Variants in PCDHGA6 observed in about 807,000 individuals in gnomAD.
The protein encoded by PCDHGA6 is protocadherin gamma subfamily A, 6.
A neutral mutation model predicts 60.6 loss-of-function variants in PCDHGA6; 41 were observed. The ratio of observed to expected loss-of-function variants is 0.68; its 90% confidence interval spans 0.53 to 0.88. The LOEUF (loss-of-function observed/expected upper bound fraction) is 0.88. PCDHGA6 is among the 40% of genes least tolerant of loss of function. The probability of loss-of-function intolerance (pLI) is 0.00; values close to 1 mark genes in which losing one functional copy is unlikely to be tolerated. For missense variants in PCDHGA6, 1,312 were observed against 1,203.0 expected, an observed-to-expected ratio of 1.09 and a Z score of -1.34; for synonymous variants, 594 against 524.4, an observed-to-expected ratio of 1.13 and a Z score of -1.81.
At position 141,485,841 on chromosome 5, in the gene PCDHGA6, C is replaced by G. The variant is rs969476505; in HGVS notation, c.2425-8966C>G. On this transcript the variant is annotated intron_variant, in intron 1 of 3. Transcript: ENST00000517434. This position sits in a 1 kb window ranked among gnomAD's most constrained non-coding sequence, Gnocchi z 5.7. Reference sequence around the variant, plus strand: ...GTCGATGGAGGGAACCCGCCGAGATCTGGCACCGCAGAGCTCCGGGTATCC... The same window carrying G: ...GTCGATGGAGGGAACCCGCCGAGATGTGGCACCGCAGAGCTCCGGGTATCC... 29 of 1,614,104 alleles carry G rather than the reference C, an allele frequency of 1.8e-5. No individual in the cohort carries two copies. The highest frequency in any genetic ancestry group is 2.2e-5 in the South Asian group (2 of 91,080).
rs182282975 is a variant in PCDHGA6 at position 141,420,903 on chromosome 5, A to G, written c.2424+44396A>G. The G allele has an allele frequency of 1.7e-5, 5 of 296,804 alleles. No individual in the cohort carries two copies. In the Admixed American group the frequency reaches 1.8e-4, roughly 11 times the overall value. The allele number at this position is 296,804 out of a possible 1,614,324, so 18.4% of individuals were successfully genotyped here. On this transcript the variant is annotated intron_variant, in intron 1 of 3. Transcript: ENST00000517434. ...TGTATCATCGTTTTTAAGCTCTACA[A>G]ATACGTGTGATTCACAAAGGTGAGC...
At chr5:141,392,782 A>G (rs1375306296) in intron 1 of PCDHGA6, 1 of 1,540,122 alleles carries the variant, frequency 6.5e-7, no homozygotes, top group Non-Finnish European at 8.7e-7. Context: ...TGCACAGTGA[A>G]GATTCTGAGA....
rs138542775 is a variant in PCDHGA6, at chr5:141,491,313, C to T, written c.2425-3494C>T. ...ACCCTCCTGAGCGTTCAGACCTTAC[C>T]CTTTACCTCATTGTGGCTCTAGCGA... On this transcript the variant is annotated intron_variant, in intron 1 of 3. Transcript: ENST00000517434. This position sits in a 1 kb window ranked among gnomAD's most constrained non-coding sequence, Gnocchi z 6.9. 405 of 1,614,154 alleles carry T rather than the reference C, an allele frequency of 2.5e-4. 2 individuals are homozygous for T. In the African/African-American group the frequency reaches 4.5e-3, roughly 18 times the overall value.
Position 141,485,057 on chromosome 5 carries a change from C to A in PCDHGA6, c.2425-9750C>A, listed in dbSNP as rs2099605934. ...GTAACCCTTGCGGCGCCGGCCGAACCGCGCCAGAGCTGGCGCGGGGAAAGG... is the reference window on the plus strand; with the variant it reads ...GTAACCCTTGCGGCGCCGGCCGAACAGCGCCAGAGCTGGCGCGGGGAAAGG... On this transcript the variant is annotated intron_variant, in intron 1 of 3. Coordinates refer to ENST00000517434, the MANE Select transcript of PCDHGA6 (RefSeq NM_018919.3). The surrounding 1 kb of genome is among the most constrained non-coding windows in gnomAD (Gnocchi z 5.7). The A allele has an allele frequency of 2.4e-6, 2 of 843,718 alleles. No homozygotes were observed. Among genetic ancestry groups the A allele is most frequent in the South Asian group, 1.7e-5 (1 of 59,950 alleles). 52.3% of individuals were successfully genotyped at this position (843,718 alleles called of 1,614,324 possible).
Position 141,486,880 on chromosome 5 carries a change from G to T in PCDHGA6, c.2425-7927G>T. On this transcript the variant is annotated intron_variant, in intron 1 of 3. Transcript: ENST00000517434. The surrounding 1 kb of genome is among the most constrained non-coding windows in gnomAD (Gnocchi z 5.0). The stretch of plus-strand genomic sequence containing the variant: ...ATGCTCCAGCTGTGCTCCGTCCTCG[G>T]GCCCGGCCTGGTTCCTTATGTCCCC... The T allele has an allele frequency of 6.2e-7, 1 of 1,614,212 alleles. No homozygotes were observed. Among genetic ancestry groups the T allele is most frequent in the East Asian group, 2.2e-5 (1 of 44,882 alleles).
At chr5:141,460,848 C>A (rs528601988) in intron 1 of PCDHGA6, among the ~76,000 whole-genome samples, 1 of 150,236 alleles carries the variant, frequency 6.7e-6, no homozygotes, top group African/African-American at 2.4e-5. Context: ...GCCTCCAGTT[C>A]GATCCAAGTT....
rs746642302 is a variant in PCDHGA6, at chr5:141,491,107, A to G, written c.2425-3700A>G. The stretch of plus-strand genomic sequence containing the variant: ...AGCCCCAGGACTGTTCCTCGTGTCT[A>G]CACACACTGGTGAGGTGCGCACAGC... On this transcript the variant is annotated intron_variant, in intron 1 of 3. Coordinates refer to ENST00000517434, the MANE Select transcript of PCDHGA6 (RefSeq NM_018919.3). The surrounding 1 kb of genome is among the most constrained non-coding windows in gnomAD (Gnocchi z 6.9). 2.5e-6 allele frequency: 4 copies of G among 1,614,148 alleles called. No homozygotes were observed. Among genetic ancestry groups the G allele is most frequent in the Non-Finnish European group, 2.5e-6 (3 of 1,180,014 alleles).
chr5:141,495,205 C>T (rs977479495), intron 2 of PCDHGA6, among the ~76,000 whole-genome samples: 1 of 152,212 alleles, frequency 6.6e-6, no homozygotes, highest in African/African-American at 2.4e-5. Flanking sequence ...TACTGCCTAA[C>T]CCCCTCCCCT....
rs995968509 is a variant in PCDHGA6, at chr5:141,477,065, C to T, written c.2425-17742C>T. ...TCGGCTGGACTTCGAGGACACCAAA[C>T]TCCATGAGATTTACATCCAGGCCAA... On this transcript the variant is annotated intron_variant, in intron 1 of 3. Coordinates refer to ENST00000517434, the MANE Select transcript of PCDHGA6 (RefSeq NM_018919.3). The surrounding 1 kb of genome is among the most constrained non-coding windows in gnomAD (Gnocchi z 4.9). 15 of 1,614,144 alleles carry T rather than the reference C, an allele frequency of 9.3e-6. No homozygotes were observed. The highest frequency in any genetic ancestry group is 3.3e-5 in the Admixed American group (2 of 60,018).
chr5:141,476,225 A>G lies in PCDHGA6; in HGVS notation c.2425-18582A>G, dbSNP rs1414835001. ...GGCTTCCACGGTCATTCACTATGAG[A>G]TCCCGGAGGAAAGAGAGAAGGGTTT... On this transcript the variant is annotated intron_variant, in intron 1 of 3. Transcript: ENST00000517434. This position sits in a 1 kb window ranked among gnomAD's most constrained non-coding sequence, Gnocchi z 7.6. 3 of 1,613,882 alleles carry G rather than the reference A, an allele frequency of 1.9e-6. No homozygotes were observed. The highest frequency in any genetic ancestry group is 2.5e-6 in the Non-Finnish European group (3 of 1,180,012).
rs1449605701 is a variant in PCDHGA6 at position 141,485,191 on chromosome 5, A to C, written c.2425-9616A>C. ...CGGCAGCAATGCTCCGCAAGGTGAG[A>C]AGCTGGACAGAAATCTGGCGGTGGG... is the stretch of plus-strand genomic sequence containing the variant. On this transcript the variant is annotated intron_variant, in intron 1 of 3. Coordinates refer to ENST00000517434, the MANE Select transcript of PCDHGA6 (RefSeq NM_018919.3). This position sits in a 1 kb window ranked among gnomAD's most constrained non-coding sequence, Gnocchi z 5.7. The C allele has an allele frequency of 6.2e-7, 1 of 1,613,836 alleles. No individual in the cohort carries two copies. The highest frequency in any genetic ancestry group is 1.3e-5 in the African/African-American group (1 of 75,042).
intron 1 of PCDHGA6, among the ~76,000 whole-genome samples, chr5:141,448,106 A>G (rs1308837314): frequency 1.3e-5 from 2 of 151,996 alleles, no homozygotes. Context: ...AAATTAAAAG[A>G]AAAGAAAATT....
intron 2 of PCDHGA6, among the ~76,000 whole-genome samples, chr5:141,503,614 A>G (rs1595875970): frequency 6.6e-6 from 1 of 151,640 alleles, no homozygotes; most frequent in South Asian, 2.1e-4. Flanking sequence ...AAAAAAAAAA[A>G]GAAAAAAGAA....
intron 1 of PCDHGA6, among the ~76,000 whole-genome samples, chr5:141,462,771 G>C (rs1295560657): frequency 6.6e-6 from 1 of 152,088 alleles, no homozygotes; most frequent in Non-Finnish European, 1.5e-5. Context: ...CTGGCTTGGG[G>C]TCATAATTTG....
At chr5:141,403,104 A>T in intron 1 of PCDHGA6, 1 of 1,614,038 alleles carries the variant, frequency 6.2e-7, no homozygotes. Flanking sequence ...ATCTCCAAGG[A>T]CCTGGCTCTG....
Position 141,489,331 on chromosome 5 carries a change from C to G in PCDHGA6, c.2425-5476C>G. ...CTGCTGGGGCTGGGTGTCTGGGCAG[C>G]TTCGTTACTCAGTGGTGGAGGAGTC... On this transcript the variant is annotated intron_variant, in intron 1 of 3. Coordinates refer to ENST00000517434, the MANE Select transcript of PCDHGA6 (RefSeq NM_018919.3). The surrounding 1 kb of genome is among the most constrained non-coding windows in gnomAD (Gnocchi z 4.5). 1 of 1,605,478 alleles carries G rather than the reference C, an allele frequency of 6.2e-7. No homozygotes were observed. Among genetic ancestry groups the G allele is most frequent in the Non-Finnish European group, 8.5e-7 (1 of 1,174,878 alleles).
chr5:141,424,061 CTGATT>C, intron 1 of PCDHGA6: 1 of 1,003,194 alleles, frequency 1.0e-6, no homozygotes, highest in Non-Finnish European at 1.2e-6. Flanking sequence ...TGTGCCTTCA[CTGATT>C]TGTAGTTATA....
intron 1 of PCDHGA6, chr5:141,388,629 G>T (rs755930967): frequency 6.2e-7 from 1 of 1,613,942 alleles, no homozygotes. Context: ...CGTATACAGG[G>T]TGAGCCTTTC....
At chr5:141,427,839 G>A (rs1276507135) in intron 1 of PCDHGA6, 3 of 1,547,192 alleles carry the variant, frequency 1.9e-6, no homozygotes, top group African/African-American at 2.7e-5. Context: ...GCGTGCCTTC[G>A]ACCACGAGCA....
Sources: gnomAD v4.1 joint callset for allele counts (sites outside exome capture counted in the v4.1 genomes callset) on GRCh38, gnomAD v4.1.1 for gene constraint, Gnocchi (gnomAD v3.1) non-coding constraint, MANE v1.5 for transcripts, NCBI Gene and HGNC (gene_info 2026-07-23, HGNC 2026-07-21) for gene names.